C12orf42: variants seen among roughly 807,000 people sequenced by gnomAD.
C12orf42 encodes the protein uncharacterized protein C12orf42.
C12orf42 carries 25 observed loss-of-function variants against 21.6 expected under a neutral mutation model. The observed-to-expected ratio is 1.16, with a 90% CI of 0.84 to 1.62. The LOEUF (loss-of-function observed/expected upper bound fraction) is 1.62. Ranked by LOEUF, C12orf42 falls within the 40% of genes most tolerant of loss-of-function variation. The probability of loss-of-function intolerance (pLI) is 0.00; values close to 1 mark genes in which losing one functional copy is unlikely to be tolerated. For synonymous variants in C12orf42, 174 were observed against 175.0 expected (o/e 0.99, Z 0.05); for missense variants, 483 against 459.3 (o/e 1.05, Z -0.47).
chr12:103,406,109 A>T (rs1006158623), intron 2 of C12orf42, among the ~76,000 whole-genome samples: 20 of 152,212 alleles, frequency 1.3e-4, no homozygotes, highest in Admixed American at 9.8e-4. Flanking sequence ...AAGGCATTTA[A>T]ATATCAATAA....
the C12orf42 span, among the ~76,000 whole-genome samples, chr12:103,511,246 G>T: frequency 1.3e-5 from 2 of 151,982 alleles, no homozygotes; most frequent in Admixed American, 6.6e-5. Context: ...ATTAAAAAAT[G>T]CTAGTCTTAT....
the C12orf42 span, among the ~76,000 whole-genome samples, chr12:103,048,849 C>A: frequency 6.6e-5 from 10 of 152,206 alleles, no homozygotes; most frequent in African/African-American, 2.2e-4. Flanking sequence ...ACAAGAAGCC[C>A]AGAAATCTCA....
At chr12:103,425,561 T>C (rs1949736469) in intron 2 of C12orf42, among the ~76,000 whole-genome samples, 1 of 152,176 alleles carries the variant, frequency 6.6e-6, no homozygotes, top group Non-Finnish European at 1.5e-5. Flanking sequence ...GGAGTGGACC[T>C]CCAGCAAACT....
chr12:103,333,961 G>A (rs1467331374), intron 4 of C12orf42, among the ~76,000 whole-genome samples: 1 of 152,212 alleles, frequency 6.6e-6, no homozygotes, highest in African/African-American at 2.4e-5. Flanking sequence ...TATGACTTCA[G>A]TGCCCTAACT....
chr12:103,554,354 G>T, the C12orf42 span, among the ~76,000 whole-genome samples: 2,978 of 152,250 alleles, frequency 0.02, 108 homozygotes, highest in African/African-American at 0.068. Context: ...TAGCCCAAGA[G>T]TTAAAAATAA....
At chr12:103,497,920 A>G (rs930185613), upstream of C12orf42, among the ~76,000 whole-genome samples, 1 of 152,190 alleles carries the variant, frequency 6.6e-6, no homozygotes, top group African/African-American at 2.4e-5. Flanking sequence ...CCATAGTCCC[A>G]GCTACTCAGG....
intron 2 of C12orf42, among the ~76,000 whole-genome samples, chr12:103,460,234 A>T (rs1250054403): frequency 6.6e-6 from 1 of 151,616 alleles, no homozygotes; most frequent in Non-Finnish European, 1.5e-5. Context: ...ACCCCTAGAG[A>T]GACTGGTGGA....
intron 2 of C12orf42, among the ~76,000 whole-genome samples, chr12:103,442,461 T>G (rs1951309624): frequency 6.6e-6 from 1 of 152,084 alleles, no homozygotes; most frequent in Non-Finnish European, 1.5e-5. Context: ...CAAGGAGGCT[T>G]CCCTTGCAAA....
At chr12:103,306,631 C>T (rs549353160) in intron 4 of C12orf42, among the ~76,000 whole-genome samples, 1 of 152,118 alleles carries the variant, frequency 6.6e-6, no homozygotes, top group Non-Finnish European at 1.5e-5. Flanking sequence ...AGAATCATAT[C>T]TAGCAGATAG....
chr12:103,138,369 T>C, the C12orf42 span, among the ~76,000 whole-genome samples: 1 of 152,156 alleles, frequency 6.6e-6, no homozygotes, highest in African/African-American at 2.4e-5. Flanking sequence ...TCTCACAAGA[T>C]CTGGTTGCTT....
At chr12:103,299,935 T>C (rs923699987), downstream of C12orf42, among the ~76,000 whole-genome samples, 1 of 152,180 alleles carries the variant, frequency 6.6e-6, no homozygotes, top group African/African-American at 2.4e-5. Flanking sequence ...CCCAAACATG[T>C]GCATCCAAAA....
chr12:103,542,028 T>C, the C12orf42 span, among the ~76,000 whole-genome samples: 1 of 152,208 alleles, frequency 6.6e-6, no homozygotes, highest in African/African-American at 2.4e-5. Flanking sequence ...ATCTGCTTCA[T>C]TGAAGGCAAT....
At position 103,449,315 on chromosome 12, in the gene C12orf42, A is replaced by G. The variant is rs192401793; in HGVS notation, c.78+29034T>C. On this transcript the variant is annotated intron_variant, in intron 2 of 5. Transcript: ENST00000548883. ...CAGGACACAAAGGCATAAGAATGAT[A>G]CAATGGACTTTGGGGACTTGGGGGG... 3.9e-5 allele frequency among the ~76,000 whole-genome samples: 6 copies of G among 152,118 alleles called. No individual in the cohort carries two copies. In the East Asian group the frequency reaches 9.7e-4, roughly 25 times the overall value.
At chr12:103,416,076 G>GT (rs1409055936) in intron 2 of C12orf42, among the ~76,000 whole-genome samples, 2 of 150,602 alleles carry the variant, frequency 1.3e-5, no homozygotes, top group African/African-American at 2.4e-5. Flanking sequence ...GTGTGTATAC[G>GT]TGTATACATG....
At chr12:103,314,505 T>G (rs1204578295) in intron 4 of C12orf42, among the ~76,000 whole-genome samples, 1 of 152,146 alleles carries the variant, frequency 6.6e-6, no homozygotes, top group Non-Finnish European at 1.5e-5. Context: ...GTGAACTAGC[T>G]TGAGAATAAA....
At chr12:103,314,275 C>G (rs1241477090) in intron 4 of C12orf42, among the ~76,000 whole-genome samples, 5 of 151,964 alleles carry the variant, frequency 3.3e-5, no homozygotes, top group African/African-American at 9.6e-5. Flanking sequence ...GCACAACATG[C>G]AATAGAAAGC....
chr12:103,101,550 C>T, the C12orf42 span, among the ~76,000 whole-genome samples: 1 of 152,176 alleles, frequency 6.6e-6, no homozygotes, highest in African/African-American at 2.4e-5. Flanking sequence ...ACATTCATCC[C>T]TAAGCTGATC....
At chr12:103,556,244 T>G in the C12orf42 span, among the ~76,000 whole-genome samples, 1 of 152,200 alleles carries the variant, frequency 6.6e-6, no homozygotes, top group Non-Finnish European at 1.5e-5. Context: ...AATGGAGATA[T>G]TCATACCTTC....
chr12:103,317,951 C>T (rs914683160), intron 4 of C12orf42, among the ~76,000 whole-genome samples: 56 of 152,252 alleles, frequency 3.7e-4, no homozygotes, highest in African/African-American at 1.3e-3. Context: ...TGTATTTGTC[C>T]ATTCTCTTAT....
Sources: gnomAD v4.1 joint callset for allele counts (sites outside exome capture counted in the v4.1 genomes callset) on GRCh38, gnomAD v4.1.1 for gene constraint, MANE v1.5 for transcripts, NCBI Gene and HGNC (gene_info 2026-07-23, HGNC 2026-07-21) for gene names.